WDR33: variants seen among roughly 807,000 people sequenced by gnomAD.
WDR33 encodes WD repeat domain 33.
In WDR33, 47 loss-of-function variants were observed where a neutral mutation model predicts 164.9. That is an observed-to-expected ratio of 0.29 (90% CI 0.23 to 0.36). The LOEUF (loss-of-function observed/expected upper bound fraction) is 0.36. Ranked by LOEUF, WDR33 falls within the 10% of genes least tolerant of loss-of-function variation. The pLI, the probability that WDR33 is intolerant of heterozygous loss-of-function variation, is 1.00. For missense variants in WDR33, 1,137 were observed against 1,754.1 expected (o/e 0.65, Z 6.28); for synonymous variants, 505 against 589.0 (o/e 0.86, Z 2.06).
At chr2:127,774,489 A>G (rs1688117937) in intron 1 of WDR33, among the ~76,000 whole-genome samples, 1 of 152,234 alleles carries the variant, frequency 6.6e-6, no homozygotes, top group Admixed American at 6.5e-5. Flanking sequence ...TTAAATATTC[A>G]GCTGCAAAAA....
In WDR33 at chr2:127,709,927, A is replaced by G; in HGVS notation, c.3309-71T>C. On this transcript the variant is annotated intron_variant, in intron 18 of 21. Transcript: ENST00000322313. The surrounding 1 kb of genome is among the most constrained non-coding windows in gnomAD (Gnocchi z 5.0). ...CCACTCTAAGTTCATGTTTCAAAGA[A>G]GCATATGATATGAGAAAGCATGATA... The G allele has an allele frequency of 6.5e-7, 1 of 1,538,074 alleles. No individual in the cohort carries two copies. The highest frequency in any genetic ancestry group is 8.8e-7 in the Non-Finnish European group (1 of 1,136,012).
rs199995223 is a variant in WDR33, at chr2:127,765,009, G to C, written c.475-30C>G. On this transcript the variant is annotated intron_variant, in intron 5 of 21. Transcript: ENST00000322313. ...GAAAGCAGAAAACATTAATTAGTAA[G>C]GTGCTGCTTCAAAGAATATATGACT... is the stretch of plus-strand genomic sequence containing the variant. 369 of 1,608,230 alleles carry C rather than the reference G, an allele frequency of 2.3e-4. 2 individuals are homozygous for C. The South Asian group carries it at 2.7e-3, about 12-fold the overall frequency.
chr2:127,750,119 G>A (rs1209150715), intron 7 of WDR33, among the ~76,000 whole-genome samples: 2 of 152,072 alleles, frequency 1.3e-5, no homozygotes, highest in Non-Finnish European at 2.9e-5. Flanking sequence ...AGATTTCCCA[G>A]GTTCAAGAGA....
chr2:127,787,577 G>C (rs1688635906), intron 1 of WDR33, among the ~76,000 whole-genome samples: 1 of 104,462 alleles, frequency 9.6e-6, no homozygotes, highest in Non-Finnish European at 2.0e-5. Context: ...CGGCTGGCCG[G>C]GCAGAGGGGC....
At chr2:127,750,846 G>C (rs1266984653) in intron 7 of WDR33, among the ~76,000 whole-genome samples, 1 of 147,892 alleles carries the variant, frequency 6.8e-6, no homozygotes, top group African/African-American at 2.5e-5. Context: ...AGGTTAAAAT[G>C]TAAAAATAAA....
Position 127,763,547 on chromosome 2 carries a change from C to T in WDR33, c.627-388G>A. ...TTAAATCACACACGAATACTGCTCC[C>T]AAAATTATCATCAGCTTCTGCCTCA... is the stretch of plus-strand genomic sequence containing the variant. On this transcript the variant is annotated intron_variant, in intron 6 of 21. Coordinates refer to ENST00000322313, the MANE Select transcript of WDR33 (RefSeq NM_018383.5). This position sits in a 1 kb window ranked among gnomAD's most constrained non-coding sequence, Gnocchi z 4.5. The T allele has an allele frequency of 9.9e-7, 1 of 1,014,766 alleles. No homozygotes were observed. Among genetic ancestry groups the T allele is most frequent in the Non-Finnish European group, 1.2e-6 (1 of 847,956 alleles). 62.9% of individuals were successfully genotyped at this position (1,014,766 alleles called of 1,614,324 possible).
intron 1 of WDR33, among the ~76,000 whole-genome samples, chr2:127,780,186 G>A (rs191170073): frequency 1.4e-3 from 214 of 152,196 alleles, no homozygotes; most frequent in African/African-American, 4.8e-3. Flanking sequence ...TGTTAGCCAG[G>A]ATGGTCTCGA....
chr2:127,711,770 A>ATTTTTTTT lies in WDR33; in HGVS notation c.3308+1812_3308+1813insAAAAAAAA, dbSNP rs1220888579. Among the ~76,000 whole-genome samples, 170 of 77,846 alleles carry ATTTTTTTT rather than the reference A, an allele frequency of 2.2e-3. 9 individuals are homozygous for ATTTTTTTT. The highest frequency in any genetic ancestry group is 9.5e-3 in the African/African-American group (114 of 12,062). The allele number at this position is 77,846 out of a possible 152,430, so 51.1% of individuals were successfully genotyped here. A position where few individuals can be genotyped will look rare whatever the true frequency, so the allele number is the denominator to read the frequency against. ...TATACAGATATATATATATATATATATATATATATATTTTTTTTTTGAGAC... is the reference window on the plus strand; with the variant it reads ...TATACAGATATATATATATATATATATTTTTTTTTATATATATATTTTTTTTTTGAGAC... On this transcript the variant is annotated intron_variant, in intron 18 of 21. Transcript: ENST00000322313.
chr2:127,807,856 TTGAAAGGC>T (rs1487165743), intron 1 of WDR33, among the ~76,000 whole-genome samples: 2 of 152,140 alleles, frequency 1.3e-5, no homozygotes, highest in Non-Finnish European at 2.9e-5. Context: ...TCCCAAGACT[TTGAAAGGC>T]TGAAGTGGGA....
chr2:127,759,967 G>A (rs539642465), intron 7 of WDR33, among the ~76,000 whole-genome samples: 2 of 152,256 alleles, frequency 1.3e-5, no homozygotes, highest in African/African-American at 4.8e-5. Flanking sequence ...GAAAAACTCA[G>A]TCAAGAAGAC....
In WDR33 at chr2:127,714,453, T is replaced by C. The variant is rs1686252120; in HGVS notation, c.2870-432A>G. Among the ~76,000 whole-genome samples, 1 of 152,210 alleles carries C rather than the reference T, an allele frequency of 6.6e-6. No individual in the cohort carries two copies. Among genetic ancestry groups the C allele is most frequent in the Admixed American group, 6.5e-5 (1 of 15,282 alleles). ...AGGAAGCGTGCCAAGAATTCACCTC[T>C]GTACCCATCAACAGGGTGCCACTGC... On this transcript the variant is annotated intron_variant, in intron 17 of 21. Transcript: ENST00000322313. The surrounding 1 kb of genome is among the most constrained non-coding windows in gnomAD (Gnocchi z 4.3).
chr2:127,750,677 AATATATATAT>A (rs1161071581), intron 7 of WDR33, among the ~76,000 whole-genome samples: 100 of 35,790 alleles, frequency 2.8e-3, no homozygotes, highest in East Asian at 5.6e-3. Context: ...AAAAAAAAAA[AATATATATAT>A]ATATATATAT....
chr2:127,809,090 A>G (rs1411681859), intron 1 of WDR33, among the ~76,000 whole-genome samples: 3 of 151,636 alleles, frequency 2.0e-5, no homozygotes, highest in African/African-American at 7.3e-5. Context: ...AAAATTTTTC[A>G]CTAATATCTT....
chr2:127,701,879 G>A lies in WDR33; in HGVS notation c.*4444C>T. On this transcript the variant is annotated 3_prime_UTR_variant, in exon 22 of 22. Coordinates refer to ENST00000322313, the MANE Select transcript of WDR33 (RefSeq NM_018383.5). Reference sequence around the variant, plus strand: ...CGCTGCTCTGGTCACTGGGCTCGGCGCTGGCGTTGGCGGGAAGCGCGCTGC... The same window carrying A: ...CGCTGCTCTGGTCACTGGGCTCGGCACTGGCGTTGGCGGGAAGCGCGCTGC... 1 of 1,457,480 alleles carries A rather than the reference G, an allele frequency of 6.9e-7. No homozygotes were observed. The highest frequency in any genetic ancestry group is 9.0e-7 in the Non-Finnish European group (1 of 1,110,660). 90.3% of individuals were successfully genotyped at this position (1,457,480 alleles called of 1,614,324 possible). A position where few individuals can be genotyped will look rare whatever the true frequency, so the allele number is the denominator to read the frequency against.
At chr2:127,794,154 C>G (rs1688940645) in intron 1 of WDR33, among the ~76,000 whole-genome samples, 1 of 148,842 alleles carries the variant, frequency 6.7e-6, no homozygotes, top group African/African-American at 2.5e-5. Context: ...TCAAGACAGA[C>G]AGACAGACAG....
intron 7 of WDR33, chr2:127,737,912 G>A (rs1429004683): frequency 2.6e-6 from 4 of 1,545,236 alleles, no homozygotes; most frequent in Non-Finnish European, 3.5e-6. Flanking sequence ...AGCATCAACT[G>A]TAATTTGAAT....
intron 7 of WDR33, among the ~76,000 whole-genome samples, chr2:127,746,614 T>C (rs574377198): frequency 6.6e-6 from 1 of 152,326 alleles, no homozygotes; most frequent in South Asian, 2.1e-4. Flanking sequence ...AGACTTGACT[T>C]GCCCAGTGGC....
intron 1 of WDR33, among the ~76,000 whole-genome samples, chr2:127,810,051 C>T (rs10188214): frequency 0.024 from 3,220 of 135,234 alleles, 124 homozygotes; most frequent in African/African-American, 0.091. Flanking sequence ...GCTATATATA[C>T]ATACACACAC....
chr2:127,742,343 C>T (rs945927792), intron 7 of WDR33, among the ~76,000 whole-genome samples: 4 of 151,584 alleles, frequency 2.6e-5, no homozygotes, highest in African/African-American at 9.7e-5. Flanking sequence ...GACTAGGCAA[C>T]AAAAAATTAA....
Sources: allele counts gnomAD v4.1 joint callset (sites outside exome capture counted in the v4.1 genomes callset), GRCh38; gene constraint gnomAD v4.1.1; non-coding constraint Gnocchi (gnomAD v3.1); transcripts MANE v1.5; gene names NCBI Gene and HGNC (gene_info 2026-07-23, HGNC 2026-07-21).